Variants in ABCG5 observed in about 807,000 individuals in gnomAD.
ABCG5 encodes the protein ATP binding cassette subfamily G member 5.
A neutral mutation model predicts 64.5 loss-of-function variants in ABCG5; 64 were observed. That is an observed-to-expected ratio of 0.99 (90% CI 0.81 to 1.22). The LOEUF (loss-of-function observed/expected upper bound fraction) is 1.22, where lower values mean the gene tolerates loss of function less well. ABCG5 is among the 50% of genes most tolerant of loss of function. The pLI is 0.00. For synonymous variants in ABCG5, 385 were observed against 326.3 expected (o/e 1.18, Z -1.94); for missense variants, 908 against 829.5 (o/e 1.09, Z -1.16).
In ABCG5 at chr2:43,832,049, G is replaced by C. The variant is rs1212418813; in HGVS notation, c.300C>G (p.Ser100=). The C allele has an allele frequency of 8.2e-6, 13 of 1,581,168 alleles. No homozygotes were observed. The African/African-American group carries it at 1.6e-4, about 20-fold the overall frequency. The part of the protein sequence containing the change: ...SGKTTLLDAM[S]GRLGRAGTFL... ...AGGTCCCCGCGCGCCCCAGCCTCCC[G>C]GACATGGCGTCCAGCAGCGTGGTTT... is the stretch of plus-strand genomic sequence containing the variant. Residue 100 remains serine (S), a synonymous_variant, in exon 3 of 13, where the codon TCC becomes TCG. Transcript: ENST00000405322.
In ABCG5 at chr2:43,824,259, C is replaced by A. The variant is rs1667446649; in HGVS notation, c.1078G>T (p.Asp360Tyr). Residue 360 changes from aspartate to tyrosine, a missense_variant, in exon 8 of 13, where the codon GAT (aspartate) becomes TAT (tyrosine). Coordinates refer to ENST00000405322, the MANE Select transcript of ABCG5 (RefSeq NM_022436.3). ...TLPMVPFKTK[D>Y]SPGVFSKLGV... ...AGTTTAGAGAAAACTCCAGGAGAAT[C>A]TTTGGTTTTGAAAGGAACCATTGGT... 4 of 1,614,190 alleles carry A rather than the reference C, an allele frequency of 2.5e-6. No homozygotes were observed. The East Asian group carries it at 6.7e-5, about 27-fold the overall frequency.
intron 11 of ABCG5, among the ~76,000 whole-genome samples, chr2:43,816,116 CAGAAA>C (rs1666806455): frequency 6.6e-6 from 1 of 152,062 alleles, no homozygotes; most frequent in South Asian, 2.1e-4. Context: ...GGTTTGATAT[CAGAAA>C]AGAAAACCAA....
At chr2:43,814,686 A>G (rs972021304) in intron 11 of ABCG5, 97 bp from the exon 12 acceptor site, 13 of 698,856 alleles carry the variant, frequency 1.9e-5, no homozygotes, top group African/African-American at 1.6e-4. Context: ...CAACAGGAAT[A>G]TAGTTTTCTA....
At chr2:43,830,183 C>T (rs570200408) in intron 4 of ABCG5, among the ~76,000 whole-genome samples, 1 of 152,288 alleles carries the variant, frequency 6.6e-6, no homozygotes, top group South Asian at 2.1e-4. Context: ...TCAGAGGTTT[C>T]ACACCCCAGC....
In ABCG5 at chr2:43,824,028, G is replaced by A. The variant is rs765896139; in HGVS notation, c.1209C>T (p.Phe403=). The change falls in exon 9 of 13, where the codon TTC becomes TTT. Residue 403 remains phenylalanine, a synonymous_variant. Transcript: ENST00000405322. The part of the protein sequence containing the change: ...NLIMGLFLLF[F]VLRVRSNVLK... Reference sequence around the variant, plus strand: ...GCACATTGCTTCGGACCCGCAGAACGAAGAAAAGGAGGAACAAACCCATGA... The same window carrying A: ...GCACATTGCTTCGGACCCGCAGAACAAAGAAAAGGAGGAACAAACCCATGA... 7.4e-6 allele frequency: 12 copies of A among 1,614,082 alleles called. No homozygotes were observed. Among genetic ancestry groups the A allele is most frequent in the African/African-American group, 6.7e-5 (5 of 74,922 alleles).
intron 9 of ABCG5, 90 bp from the exon 10 acceptor site, chr2:43,823,025 G>C: frequency 6.4e-7 from 1 of 1,555,342 alleles, no homozygotes; most frequent in Non-Finnish European, 8.7e-7. Context: ...GGTCTGTCAG[G>C]GCTGGATGGT....
chr2:43,838,625 T>A lies in ABCG5; in HGVS notation c.55A>T (p.Arg19Ter). Residue 19 changes from arginine to a stop codon, truncating the protein, a stop_gained, in exon 1 of 13, where the codon AGA (arginine) becomes TGA (stop). Transcript: ENST00000405322. LOFTEE classifies it high-confidence loss of function. The surrounding 1 kb of genome is among the most constrained non-coding windows in gnomAD (Gnocchi z 4.2). ...CCCTCCAGGGAGCTCTGGGAGCCTCTGTTTACTTGGAGACCCATGGACCCT... is the reference window on the plus strand; with the variant it reads ...CCCTCCAGGGAGCTCTGGGAGCCTCAGTTTACTTGGAGACCCATGGACCCT... Reference protein sequence around the residue: ...PGGSMGLQVNRGSQSSLEGAP... With the variant: ...PGGSMGLQVN 2 of 1,613,376 alleles carry A rather than the reference T, an allele frequency of 1.2e-6. No individual in the cohort carries two copies. Among genetic ancestry groups the A allele is most frequent in the Non-Finnish European group, 1.7e-6 (2 of 1,179,898 alleles).
At position 43,825,359 on chromosome 2, in the gene ABCG5, G is replaced by A. The variant is rs76642479; in HGVS notation, c.775-341C>T. On this transcript the variant is annotated intron_variant, in intron 6 of 12. Transcript: ENST00000405322. The stretch of plus-strand genomic sequence containing the variant: ...CCAAGCCAAGTGAGTGACCTCGGGC[G>A]AGCAGGGGTGGGTCTTAGTTTGTTT... 8.9e-3 allele frequency among the ~76,000 whole-genome samples: 1,360 copies of A among 152,228 alleles called. 25 individuals are homozygous for A. Among genetic ancestry groups the A allele is most frequent in the African/African-American group, 0.031 (1,284 of 41,534 alleles).
At chr2:43,807,743 CAAAAAAAAAAAAAAA>C (rs536977133), downstream of ABCG5, among the ~76,000 whole-genome samples, 2,536 of 41,906 alleles carry the variant, frequency 0.061, 122 homozygotes, top group African/African-American at 0.17. Flanking sequence ...TTTGTTAAAG[CAAAAAAAAAAAAAAA>C]AAAAAAAAAA....
At chr2:43,807,743 C>CAAAAA (rs536977133), downstream of ABCG5, among the ~76,000 whole-genome samples, 82 of 41,642 alleles carry the variant, frequency 2.0e-3, 2 homozygotes, top group African/African-American at 4.0e-3. Context: ...TTTGTTAAAG[C>CAAAAA]AAAAAAAAAA....
rs1449633001 is a variant in ABCG5, at chr2:43,832,016, C to T, written c.333G>A (p.Gly111=). ...GCGCCCGGCCGTTCACATACACCTC[C>T]CCCAGGAAGGTCCCCGCGCGCCCCA... ...GRLGRAGTFL[G]EVYVNGRALR... The change falls in exon 3 of 13, where the codon GGG becomes GGA. Residue 111 remains glycine (G), a synonymous_variant. Coordinates refer to ENST00000405322, the MANE Select transcript of ABCG5 (RefSeq NM_022436.3). 33 of 1,569,102 alleles carry T rather than the reference C, an allele frequency of 2.1e-5. No homozygotes were observed. Among genetic ancestry groups the T allele is most frequent in the Non-Finnish European group, 2.7e-5 (31 of 1,157,336 alleles).
In ABCG5 at chr2:43,823,994, CA is replaced by C; in HGVS notation, c.1242del (p.Ala415LeufsTer6). Reference sequence around the variant, plus strand: ...AGGAGACCTACGCGGTCCTGGATAGCACCCTTTAGCACATTGCTTCGGACCC... The same window carrying C: ...AGGAGACCTACGCGGTCCTGGATAGCCCCTTTAGCACATTGCTTCGGACCC... ...VLRVRSNVLK[G>X]AIQDRVGLLY... is the part of the protein sequence containing the mutation. On this transcript the variant is annotated frameshift_variant, in exon 9 of 13. Coordinates refer to ENST00000405322, the MANE Select transcript of ABCG5 (RefSeq NM_022436.3). LOFTEE classifies it high-confidence loss of function. 6.2e-7 allele frequency: 1 copy of C among 1,614,210 alleles called. No individual in the cohort carries two copies. The highest frequency in any genetic ancestry group is 1.6e-4 in the Middle Eastern group (1 of 6,062).
intron 10 of ABCG5, among the ~76,000 whole-genome samples, chr2:43,822,254 TC>T (rs1047427462): frequency 1.1e-4 from 17 of 152,124 alleles, no homozygotes; most frequent in African/African-American, 3.9e-4. Flanking sequence ...AATGGCCTTC[TC>T]CCTTTATGCT....
chr2:43,825,941 A>C (rs555517640), intron 6 of ABCG5, among the ~76,000 whole-genome samples: 1 of 151,352 alleles, frequency 6.6e-6, no homozygotes, highest in Non-Finnish European at 1.5e-5. Flanking sequence ...TTCCCCTCTC[A>C]GGAGCTGTTG....
At chr2:43,809,770 C>T (rs1282735689), downstream of ABCG5, 7 of 1,608,754 alleles carry the variant, frequency 4.4e-6, no homozygotes, top group Non-Finnish European at 5.1e-6. Context: ...ATTCTTGAAC[C>T]TATTTCAATT....
In ABCG5 at chr2:43,824,990, A is replaced by T. The variant is rs770103215; in HGVS notation, c.803T>A (p.Phe268Tyr). The change falls in exon 7 of 13, where the codon TTC (phenylalanine) becomes TAC (tyrosine). Residue 268 changes from phenylalanine (F) to tyrosine (Y), a missense_variant. By Grantham distance (22) the Phe-to-Tyr change is conservative. Transcript: ENST00000405322. ...CGTGCCACAGAAAATCAGCTCTCCGAAGCTCAGGATGGCAATTTTGTCAAA... is the reference window on the plus strand; with the variant it reads ...CGTGCCACAGAAAATCAGCTCTCCGTAGCTCAGGATGGCAATTTTGTCAAA... ...QLFDKIAILS[F>Y]GELIFCGTPA... 8.7e-5 allele frequency: 141 copies of T among 1,613,886 alleles called. 5 individuals are homozygous for T. In the South Asian group the frequency reaches 1.5e-3, roughly 17 times the overall value.
At position 43,824,106 on chromosome 2, in the gene ABCG5, T is replaced by C; in HGVS notation, c.1131A>G (p.Arg377=). 5.6e-6 allele frequency: 9 copies of C among 1,614,204 alleles called. No individual in the cohort carries two copies. The highest frequency in any genetic ancestry group is 7.6e-6 in the Non-Finnish European group (9 of 1,180,028). The part of the protein sequence containing the change: ...KLGVLLRRVT[R]NLVRNKLAVI... Reference sequence around the variant, plus strand: ...CTGCCAGCTTATTTCTCACCAAGTTTCTTGTCACTCTCCTGAAAACAAACA... The same window carrying C: ...CTGCCAGCTTATTTCTCACCAAGTTCCTTGTCACTCTCCTGAAAACAAACA... The change falls in exon 9 of 13, where the codon AGA becomes AGG. Residue 377 remains arginine (R), a synonymous_variant. Transcript: ENST00000405322.
intron 4 of ABCG5, among the ~76,000 whole-genome samples, chr2:43,829,325 C>T (rs1667827734): frequency 6.6e-6 from 1 of 152,174 alleles, no homozygotes; most frequent in Non-Finnish European, 1.5e-5. Flanking sequence ...GACATATAAT[C>T]CAGCCTTCAG....
At chr2:43,817,563 G>T (rs1666918104) in intron 11 of ABCG5, among the ~76,000 whole-genome samples, 2 of 152,018 alleles carry the variant, frequency 1.3e-5, no homozygotes, top group African/African-American at 4.8e-5. Context: ...TGCTTCTTAT[G>T]ATGGGGTTAC....
Sources: allele counts gnomAD v4.1 joint callset (sites outside exome capture counted in the v4.1 genomes callset), GRCh38; gene constraint gnomAD v4.1.1; non-coding constraint Gnocchi (gnomAD v3.1); transcripts MANE v1.5; gene names NCBI Gene and HGNC (gene_info 2026-07-23, HGNC 2026-07-21).